The following RALGPS1 variants were observed in gnomAD, a reference collection of about 807,000 sequenced individuals.
The protein encoded by RALGPS1 is ras-specific guanine nucleotide-releasing factor RalGPS1.
RALGPS1 carries 19 observed loss-of-function variants against 78.8 expected under a neutral mutation model. The observed-to-expected ratio is 0.24, with a 90% CI of 0.17 to 0.35. The LOEUF (loss-of-function observed/expected upper bound fraction) is 0.35. Among genes scored for constraint, RALGPS1 ranks in the 10% least tolerant of loss-of-function variants. The probability of loss-of-function intolerance (pLI) is 1.00; values close to 1 mark genes in which losing one functional copy is unlikely to be tolerated. For synonymous variants in RALGPS1, 228 were observed against 256.3 expected (o/e 0.89, Z 1.06); for missense variants, 454 against 688.3 (o/e 0.66, Z 3.81).
rs2062770723 is a variant in RALGPS1, at chr9:127,221,406, A to T, written c.*2637A>T. 1 of 152,228 alleles carries T rather than the reference A, an allele frequency of 6.6e-6. No individual in the cohort carries two copies. Among genetic ancestry groups the T allele is most frequent in the African/African-American group, 2.4e-5 (1 of 41,450 alleles). The allele number at this position is 152,228 out of a possible 1,614,324, so 9.4% of individuals were successfully genotyped here. A position where few individuals can be genotyped will look rare whatever the true frequency, so the allele number is the denominator to read the frequency against. On this transcript the variant is annotated 3_prime_UTR_variant, in exon 19 of 19. Coordinates refer to ENST00000259351, the MANE Select transcript of RALGPS1 (RefSeq NM_014636.3). Reference sequence around the variant, plus strand: ...ATGGATCATGGCACCCCAAAATGAAAGTTATAGAAAGCTGTCTACAACTGT... The same window carrying T: ...ATGGATCATGGCACCCCAAAATGAATGTTATAGAAAGCTGTCTACAACTGT...
At chr9:127,083,155 A>G (rs2051347794) in intron 8 of RALGPS1, among the ~76,000 whole-genome samples, 1 of 152,116 alleles carries the variant, frequency 6.6e-6, no homozygotes, top group Non-Finnish European at 1.5e-5. Flanking sequence ...TTTTGGATAG[A>G]CACCCAGCCT....
chr9:127,150,038 G>A (rs1453372063), intron 8 of RALGPS1, among the ~76,000 whole-genome samples: 1 of 152,226 alleles, frequency 6.6e-6, no homozygotes, highest in Admixed American at 6.5e-5. Flanking sequence ...AGTCAGACCT[G>A]AGGTGCAGTG....
At chr9:127,052,403 C>A (rs1192750148) in intron 6 of RALGPS1, among the ~76,000 whole-genome samples, 1 of 152,130 alleles carries the variant, frequency 6.6e-6, no homozygotes, top group African/African-American at 2.4e-5. Context: ...ATGGGGAAGC[C>A]CGAGCATTGC....
At chr9:127,137,579 A>G (rs1369290857) in intron 8 of RALGPS1, among the ~76,000 whole-genome samples, 2 of 152,356 alleles carry the variant, frequency 1.3e-5, no homozygotes, top group South Asian at 2.1e-4. Context: ...CCCATGAGCC[A>G]TTTCAGGATT....
In RALGPS1 at chr9:126,970,018, T is replaced by C. The variant is rs531301707; in HGVS notation, c.165+4067T>C. On this transcript the variant is annotated intron_variant, in intron 3 of 18. Coordinates refer to ENST00000259351, the MANE Select transcript of RALGPS1 (RefSeq NM_014636.3). ...CAGACCAACTGGCATTTTAGTTTCC[T>C]GTCTAGTGAAAGAAAAAACCCAGAC... 5.9e-5 allele frequency among the ~76,000 whole-genome samples: 9 copies of C among 152,304 alleles called. No homozygotes were observed. In the East Asian group the frequency reaches 1.7e-3, roughly 29 times the overall value.
At chr9:127,088,703 T>C (rs2052068668) in intron 8 of RALGPS1, 1 of 574,498 alleles carries the variant, frequency 1.7e-6, no homozygotes, top group African/African-American at 1.9e-5. Flanking sequence ...TCTGTAGTCC[T>C]GTCCTGTCCT....
intron 7 of RALGPS1, among the ~76,000 whole-genome samples, chr9:127,064,811 T>G (rs1466879700): frequency 6.6e-6 from 1 of 152,264 alleles, no homozygotes; most frequent in Non-Finnish European, 1.5e-5. Flanking sequence ...TATAGTCAAG[T>G]AGTAAACTAT....
At chr9:127,121,688 A>G (rs1045465379) in intron 8 of RALGPS1, among the ~76,000 whole-genome samples, 6 of 152,216 alleles carry the variant, frequency 3.9e-5, no homozygotes, top group African/African-American at 1.4e-4. Flanking sequence ...TCTTGGCCAC[A>G]TCCACTCAGT....
In RALGPS1 at chr9:126,916,033, C is replaced by T. The variant is rs143774333; in HGVS notation, c.-66+1058C>T. ...CCTGTTTCCTCCGTTGCAAAATGAG[C>T]ATGTTAGTACCTGCCTGTGTGCCTC... On this transcript the variant is annotated intron_variant, in intron 1 of 18. Coordinates refer to ENST00000259351, the MANE Select transcript of RALGPS1 (RefSeq NM_014636.3). Among the ~76,000 whole-genome samples the T allele has an allele frequency of 1.9e-3, 282 of 152,262 alleles. 1 individual carries two copies. Among genetic ancestry groups the T allele is most frequent in the African/African-American group, 6.3e-3 (263 of 41,538 alleles).
chr9:126,983,252 A>G (rs1180338436), intron 4 of RALGPS1, among the ~76,000 whole-genome samples: 1 of 150,874 alleles, frequency 6.6e-6, no homozygotes, highest in Non-Finnish European at 1.5e-5. Flanking sequence ...CTTTTTAAAC[A>G]TTTCTTATTG....
intron 4 of RALGPS1, among the ~76,000 whole-genome samples, chr9:126,983,080 G>A (rs2041472660): frequency 6.6e-6 from 1 of 151,224 alleles, no homozygotes; most frequent in Non-Finnish European, 1.5e-5. Context: ...GGGATTACAG[G>A]CACCTGATAC....
chr9:126,919,291 C>T (rs1320480516), intron 1 of RALGPS1, among the ~76,000 whole-genome samples: 1 of 152,242 alleles, frequency 6.6e-6, no homozygotes, highest in East Asian at 1.9e-4. Flanking sequence ...ATGATGTTTA[C>T]TCAGTATTGG....
intron 8 of RALGPS1, among the ~76,000 whole-genome samples, chr9:127,076,720 G>T (rs950814792): frequency 1.3e-5 from 2 of 152,170 alleles, no homozygotes; most frequent in Non-Finnish European, 2.9e-5. Context: ...CTGCCCTCAT[G>T]GAGCTCACAG....
At chr9:127,104,812 G>T (rs2054061841) in intron 8 of RALGPS1, among the ~76,000 whole-genome samples, 1 of 152,242 alleles carries the variant, frequency 6.6e-6, no homozygotes. Flanking sequence ...CCAAGGCTCG[G>T]ATGCAAAGGT....
intron 7 of RALGPS1, among the ~76,000 whole-genome samples, chr9:127,062,405 A>AT (rs1338744303): frequency 6.6e-6 from 1 of 152,190 alleles, no homozygotes; most frequent in African/African-American, 2.4e-5. Context: ...GCCAAGGATG[A>AT]TTTTTTAAAA....
rs1412960796 is a variant in RALGPS1, at chr9:127,183,519, C to A, written c.910+8737C>A. Among the ~76,000 whole-genome samples the A allele has an allele frequency of 6.6e-6, 1 of 152,180 alleles. No homozygotes were observed. Among genetic ancestry groups the A allele is most frequent in the Non-Finnish European group, 1.5e-5 (1 of 68,030 alleles). ...CATTCTAACAGACCTGTGAGCACAACAGACCTGCCTGTGGCCACCGCTGTC... is the reference window on the plus strand; with the variant it reads ...CATTCTAACAGACCTGTGAGCACAAAAGACCTGCCTGTGGCCACCGCTGTC... On this transcript the variant is annotated intron_variant, in intron 11 of 18. Coordinates refer to ENST00000259351, the MANE Select transcript of RALGPS1 (RefSeq NM_014636.3). This position sits in a 1 kb window ranked among gnomAD's most constrained non-coding sequence, Gnocchi z 4.0.
At chr9:127,048,761 T>C (rs916655138) in intron 5 of RALGPS1, among the ~76,000 whole-genome samples, 13 of 152,232 alleles carry the variant, frequency 8.5e-5, no homozygotes, top group Non-Finnish European at 4.4e-5. Context: ...TCCCATTTGG[T>C]ATTTAGAAAA....
intron 4 of RALGPS1, among the ~76,000 whole-genome samples, chr9:127,026,528 A>G (rs2045975534): frequency 6.6e-6 from 1 of 152,208 alleles, no homozygotes; most frequent in Non-Finnish European, 1.5e-5. Context: ...TCTCTTTTCT[A>G]TCACATATTT....
At chr9:127,083,630 C>T (rs536297994) in intron 8 of RALGPS1, among the ~76,000 whole-genome samples, 3 of 152,212 alleles carry the variant, frequency 2.0e-5, no homozygotes, top group African/African-American at 7.2e-5. Context: ...ATGTAACCAG[C>T]TTATTAAATG....
Sources: gnomAD v4.1 joint callset for allele counts (sites outside exome capture counted in the v4.1 genomes callset) on GRCh38, gnomAD v4.1.1 for gene constraint, Gnocchi (gnomAD v3.1) non-coding constraint, MANE v1.5 for transcripts, NCBI Gene and HGNC (gene_info 2026-07-23, HGNC 2026-07-21) for gene names.